GPCPD1: variants seen among roughly 807,000 people sequenced by gnomAD.
GPCPD1 encodes the protein glycerophosphocholine phosphodiesterase 1, also known as glycerophosphocholine phosphodiesterase GPCPD1.
Under a neutral mutation model 89.2 loss-of-function variants are expected in GPCPD1, and 29 were observed. The ratio of observed to expected loss-of-function variants is 0.33; its 90% CI spans 0.24 to 0.44. GPCPD1 has a LOEUF of 0.44. GPCPD1 is among the 20% of genes least tolerant of loss of function. The pLI is 1.00. For synonymous variants in GPCPD1, 258 were observed against 266.3 expected (o/e 0.97, Z 0.30); for missense variants, 594 against 808.9 (o/e 0.73, Z 3.22).
intron 11 of GPCPD1, among the ~76,000 whole-genome samples, chr20:5,573,316 C>G (rs554648310): frequency 1.2e-4 from 18 of 152,244 alleles, no homozygotes; most frequent in Non-Finnish European, 2.1e-4. Context: ...GAACTCCCAA[C>G]CTCAGGTGAT....
intron 19 of GPCPD1, among the ~76,000 whole-genome samples, chr20:5,552,595 AT>A (rs1985486856): frequency 6.6e-6 from 1 of 152,254 alleles, no homozygotes; most frequent in African/African-American, 2.4e-5. Context: ...AAAAATACAC[AT>A]ATAACCATAT....
chr20:5,603,681 G>A (rs1374424476), intron 2 of GPCPD1, among the ~76,000 whole-genome samples: 2 of 151,782 alleles, frequency 1.3e-5, no homozygotes, highest in Non-Finnish European at 2.9e-5. Context: ...AAAATACAAT[G>A]AGGCTAAAAA....
chr20:5,578,205 C>T (rs1330605145), intron 8 of GPCPD1, among the ~76,000 whole-genome samples, 175 bp downstream of exon 8: 1 of 152,170 alleles, frequency 6.6e-6, no homozygotes, highest in Admixed American at 6.5e-5. Flanking sequence ...TAATTATATT[C>T]TTAATAGTAC....
chr20:5,558,011 T>C lies in GPCPD1; in HGVS notation c.1763A>G (p.Asp588Gly). Reference sequence around the variant, plus strand: ...CCTTCTGTTTTCAGGATCATTGGTATCATCACCCCAGCAGAATATGACTAG... The same window carrying C: ...CCTTCTGTTTTCAGGATCATTGGTACCATCACCCCAGCAGAATATGACTAG... ...KGLVIFCWGDDTNDPENRRKL... is the reference protein window; with the variant it reads ...KGLVIFCWGDGTNDPENRRKL... The change falls in exon 19 of 20, where the codon GAT (aspartate) becomes GGT (glycine). Residue 588 changes from aspartate (D) to glycine (G), a missense_variant. By Grantham distance (94) the Asp-to-Gly change is moderately conservative. Coordinates refer to ENST00000379019, the MANE Select transcript of GPCPD1 (RefSeq NM_019593.5). 6.2e-7 allele frequency: 1 copy of C among 1,601,736 alleles called. No homozygotes were observed. Among genetic ancestry groups the C allele is most frequent in the Non-Finnish European group, 8.6e-7 (1 of 1,168,992 alleles).
intron 3 of GPCPD1, among the ~76,000 whole-genome samples, chr20:5,596,911 A>C (rs1337890738): frequency 6.6e-6 from 1 of 152,218 alleles, no homozygotes; most frequent in African/African-American, 2.4e-5. Flanking sequence ...ACAACATATG[A>C]ACAACTGGTC....
At chr20:5,554,099 G>C (rs911311222) in intron 19 of GPCPD1, among the ~76,000 whole-genome samples, 5 of 135,694 alleles carry the variant, frequency 3.7e-5, no homozygotes, top group Admixed American at 7.2e-5. Flanking sequence ...CTCCCGAGTA[G>C]CTGGGACTAC....
In GPCPD1 at chr20:5,561,471, C is replaced by T. The variant is rs1986072375; in HGVS notation, c.1389G>A (p.Gln463=). The change falls in exon 16 of 20, where the codon CAG becomes CAA. Residue 463 remains glutamine (Q), a synonymous_variant. Coordinates refer to ENST00000379019, the MANE Select transcript of GPCPD1 (RefSeq NM_019593.5). ...GFNIEIKWIC[Q]QRDGMWDGNL... is the part of the protein sequence containing the mutation. The stretch of plus-strand genomic sequence containing the variant: ...TGCATAGAGAATTACTTACCCTTTG[C>T]TGGCAGATCCATTTTATTTCAATGT... The T allele has an allele frequency of 6.4e-7, 1 of 1,561,608 alleles. No homozygotes were observed. Among genetic ancestry groups the T allele is most frequent in the Admixed American group, 1.7e-5 (1 of 59,790 alleles).
intron 19 of GPCPD1, among the ~76,000 whole-genome samples, chr20:5,548,617 C>T (rs1985175454): frequency 1.3e-5 from 2 of 152,150 alleles, no homozygotes; most frequent in South Asian, 4.1e-4. Flanking sequence ...TCGTTCTCTC[C>T]CTATATTCCA....
At chr20:5,596,856 T>C (rs916180186) in intron 3 of GPCPD1, among the ~76,000 whole-genome samples, 27 of 152,210 alleles carry the variant, frequency 1.8e-4, no homozygotes, top group African/African-American at 6.3e-4. Flanking sequence ...TGTGAAACAC[T>C]GTTTATCTGC....
chr20:5,561,620 A>G lies in GPCPD1; in HGVS notation c.1330-90T>C, dbSNP rs552202218. Reference sequence around the variant, plus strand: ...AAAAATACAATTATTACTAAAAATAATAAGAATTTATCATTAGTAGCAATA... The same window carrying G: ...AAAAATACAATTATTACTAAAAATAGTAAGAATTTATCATTAGTAGCAATA... On this transcript the variant is annotated intron_variant, in intron 15 of 19. Coordinates refer to ENST00000379019, the MANE Select transcript of GPCPD1 (RefSeq NM_019593.5). The G allele has an allele frequency of 5.2e-5, 33 of 630,860 alleles. No homozygotes were observed. The South Asian group carries it at 5.5e-4, about 11-fold the overall frequency. The allele number at this position is 630,860 out of a possible 1,614,324, so 39.1% of individuals were successfully genotyped here.
intron 14 of GPCPD1, 142 bp from the exon 15 acceptor site, chr20:5,565,220 G>T: frequency 1.8e-6 from 1 of 568,982 alleles, no homozygotes; most frequent in Non-Finnish European, 3.1e-6. Flanking sequence ...AAGTAACTCT[G>T]AGATCCCTTT....
At chr20:5,590,542 C>CAAAAAA (rs71197771) in intron 4 of GPCPD1, among the ~76,000 whole-genome samples, 4 of 78,982 alleles carry the variant, frequency 5.1e-5, no homozygotes, top group African/African-American at 1.3e-4. Flanking sequence ...GACTCTGTCT[C>CAAAAAA]AAAAAAAAAA....
intron 4 of GPCPD1, among the ~76,000 whole-genome samples, chr20:5,591,860 G>A (rs944876779): frequency 6.6e-6 from 1 of 151,998 alleles, no homozygotes; most frequent in Non-Finnish European, 1.5e-5. Context: ...TGCATCACAC[G>A]GTACATGTGT....
intron 4 of GPCPD1, among the ~76,000 whole-genome samples, chr20:5,589,534 C>G (rs1979176287): frequency 6.6e-6 from 1 of 152,068 alleles, no homozygotes; most frequent in South Asian, 2.1e-4. Flanking sequence ...CTCACTTGAA[C>G]CTGGGAGGCG....
chr20:5,591,041 T>C (rs1487072091), intron 4 of GPCPD1, among the ~76,000 whole-genome samples: 3 of 152,146 alleles, frequency 2.0e-5, no homozygotes, highest in Non-Finnish European at 2.9e-5. Context: ...TGAAATTACA[T>C]GTTAATTCAG....
intron 5 of GPCPD1, chr20:5,585,015 TAAAG>T (rs922188353): frequency 7.2e-5 from 11 of 152,322 alleles, no homozygotes; most frequent in African/African-American, 2.6e-4. Context: ...CAGTTCCTAG[TAAAG>T]ATTCTCTGGT....
chr20:5,549,461 A>G (rs1985239895), intron 19 of GPCPD1: 3 of 1,208,072 alleles, frequency 2.5e-6, no homozygotes, highest in Non-Finnish European at 3.6e-6. Context: ...CTCCACCACT[A>G]AAAATAGGTT....
At position 5,593,417 on chromosome 20, in the gene GPCPD1, A is replaced by G; in HGVS notation, c.147-6T>C. ...TGGTTGCTTTCCATAGCATGCTGTG[A>G]AGAAAGAAAATTAAAAGCAGCAGCA... is the stretch of plus-strand genomic sequence containing the variant. On this transcript the variant is annotated splice_region_variant and splice_polypyrimidine_tract_variant and intron_variant, in intron 3 of 19. Transcript: ENST00000379019. 4 of 1,518,368 alleles carry G rather than the reference A, an allele frequency of 2.6e-6. No homozygotes were observed. The highest frequency in any genetic ancestry group is 3.7e-6 in the Non-Finnish European group (4 of 1,095,096). 94.1% of individuals were successfully genotyped at this position (1,518,368 alleles called of 1,614,324 possible). A position where few individuals can be genotyped will look rare whatever the true frequency, so the allele number is the denominator to read the frequency against.
In GPCPD1 at chr20:5,604,457, A is replaced by T; in HGVS notation, c.-28-17T>A. 8.1e-7 allele frequency: 1 copy of T among 1,227,692 alleles called. No homozygotes were observed. The highest frequency in any genetic ancestry group is 1.2e-6 in the Non-Finnish European group (1 of 843,572). 76.0% of individuals were successfully genotyped at this position (1,227,692 alleles called of 1,614,324 possible). ...GATGTCGTGCTAGGAAAAAAAAGAA[A>T]AGTAACTTATAGTATAAAAATATAT... is the stretch of plus-strand genomic sequence containing the variant. On this transcript the variant is annotated splice_polypyrimidine_tract_variant and intron_variant, in intron 1 of 19. Transcript: ENST00000379019.
Sources: allele counts gnomAD v4.1 joint callset (sites outside exome capture counted in the v4.1 genomes callset), GRCh38; gene constraint gnomAD v4.1.1; transcripts MANE v1.5; gene names NCBI Gene and HGNC (gene_info 2026-07-23, HGNC 2026-07-21).